DNAAF9: variants seen among roughly 807,000 people sequenced by gnomAD.
DNAAF9 encodes the protein dynein axonemal assembly factor 9.
In DNAAF9, 90 loss-of-function variants were observed where a neutral mutation model predicts 167.0. The ratio of observed to expected loss-of-function variants is 0.54; its 90% CI spans 0.45 to 0.64. The LOEUF (loss-of-function observed/expected upper bound fraction) is 0.64, where lower values mean the gene tolerates loss of function less well. DNAAF9 is among the 30% of genes least tolerant of loss of function. The pLI is 0.00. For synonymous variants in DNAAF9, 491 were observed against 508.8 expected (o/e 0.96, Z 0.47); for missense variants, 1,315 against 1,442.2 (o/e 0.91, Z 1.43).
chr20:3,385,336 C>A (rs1250050420), intron 1 of DNAAF9, among the ~76,000 whole-genome samples: 1 of 152,190 alleles, frequency 6.6e-6, no homozygotes, highest in Non-Finnish European at 1.5e-5. Flanking sequence ...TGTAGGAAAT[C>A]TTAAGGATTC....
chr20:3,332,255 G>C (rs749657731), intron 11 of DNAAF9, 25 bp downstream of exon 11: 2 of 1,131,712 alleles, frequency 1.8e-6, no homozygotes, highest in Non-Finnish European at 2.7e-6. Context: ...ATAAGCTGAT[G>C]AGATGACAAC....
At chr20:3,253,701 AG>A in intron 36 of DNAAF9, 24 bp downstream of exon 36, 1 of 1,417,450 alleles carries the variant, frequency 7.1e-7, no homozygotes, top group Non-Finnish European at 1.0e-6. Flanking sequence ...GGTTCCACAC[AG>A]GGACCACGCT....
At chr20:3,387,923 G>A (rs181223312) in intron 1 of DNAAF9, among the ~76,000 whole-genome samples, 7 of 128,934 alleles carry the variant, frequency 5.4e-5, no homozygotes, top group Admixed American at 3.1e-4. Context: ...AAAATTAGCC[G>A]GATGTGGTAG....
Position 3,270,580 on chromosome 20 carries a change from G to A in DNAAF9, c.2651-18C>T. ...CACCAGGCCTGGGAATAAAACCAAG[G>A]ACAGTTTAGCCTTCACAGTCCTGGT... On this transcript the variant is annotated intron_variant, in intron 29 of 36. Coordinates refer to ENST00000252032, the MANE Select transcript of DNAAF9 (RefSeq NM_001009984.3). 6.2e-7 allele frequency: 1 copy of A among 1,611,264 alleles called. No homozygotes were observed. The highest frequency in any genetic ancestry group is 8.5e-7 in the Non-Finnish European group (1 of 1,179,118).
chr20:3,266,768 T>A (rs1215111050), intron 30 of DNAAF9, among the ~76,000 whole-genome samples: 4 of 152,098 alleles, frequency 2.6e-5, no homozygotes, highest in Non-Finnish European at 5.9e-5. Context: ...TGAGCCACCA[T>A]GCTCGGCTGA....
intron 29 of DNAAF9, among the ~76,000 whole-genome samples, chr20:3,277,617 A>G (rs1358283529): frequency 6.6e-6 from 1 of 151,666 alleles, no homozygotes; most frequent in African/African-American, 2.4e-5. Flanking sequence ...CTCTTTTTCC[A>G]ACACATGCCC....
At chr20:3,296,224 G>A (rs535606923) in intron 23 of DNAAF9, 17 of 509,330 alleles carry the variant, frequency 3.3e-5, no homozygotes, top group Admixed American at 6.1e-5. Flanking sequence ...AGCCAGGACC[G>A]CACCACTGCA....
Position 3,256,209 on chromosome 20 carries a change from A to C in DNAAF9, c.3058T>G (p.Ser1020Ala). The change falls in exon 34 of 37, where the codon TCT becomes GCT. Residue 1020 changes from serine (S) to alanine (A), a missense_variant and splice_region_variant. Ser to Ala is a moderately conservative substitution (Grantham distance 99). Coordinates refer to ENST00000252032, the MANE Select transcript of DNAAF9 (RefSeq NM_001009984.3). The stretch of plus-strand genomic sequence containing the variant: ...TAGCAGACCTCCATGGTCCTCTCAG[A>C]GTCTGTAAGGAGAATACACATTAGT... The part of the protein sequence containing the change: ...HILGKVKFSD[S>A]ERTMEVCYNT... 1 of 1,612,108 alleles carries C rather than the reference A, an allele frequency of 6.2e-7. No individual in the cohort carries two copies. The highest frequency in any genetic ancestry group is 1.3e-5 in the African/African-American group (1 of 74,994).
At chr20:3,380,397 T>G (rs2083631852) in intron 3 of DNAAF9, among the ~76,000 whole-genome samples, 1 of 152,206 alleles carries the variant, frequency 6.6e-6, no homozygotes, top group Admixed American at 6.5e-5. Context: ...AGAAGAATTT[T>G]CATATATACC....
At chr20:3,350,395 T>C (rs1371771428) in intron 7 of DNAAF9, among the ~76,000 whole-genome samples, 1 of 150,708 alleles carries the variant, frequency 6.6e-6, no homozygotes, top group Non-Finnish European at 1.5e-5. Flanking sequence ...TAACGTAGGA[T>C]AAAACAAAAA....
intron 31 of DNAAF9, among the ~76,000 whole-genome samples, chr20:3,262,162 A>G (rs1266081612): frequency 1.3e-5 from 2 of 151,668 alleles, no homozygotes; most frequent in Non-Finnish European, 2.9e-5. Context: ...TGGACTTAGG[A>G]GGGGGCCTGA....
chr20:3,347,964 A>G (rs1208534071), intron 8 of DNAAF9, among the ~76,000 whole-genome samples: 1 of 152,030 alleles, frequency 6.6e-6, no homozygotes, highest in Non-Finnish European at 1.5e-5. Context: ...CCAGCTCCAT[A>G]CCATCAGCAG....
At chr20:3,292,494 C>T (rs1454732448) in intron 25 of DNAAF9, among the ~76,000 whole-genome samples, 4 of 151,628 alleles carry the variant, frequency 2.6e-5, no homozygotes, top group South Asian at 2.1e-4. Context: ...GGGCTGGGCG[C>T]GGTGGCTCAT....
rs1263990811 is a variant in DNAAF9, at chr20:3,390,291, TA to T, written c.84-7786del. Among the ~76,000 whole-genome samples, 16 of 151,786 alleles carry T rather than the reference TA, an allele frequency of 1.1e-4. No homozygotes were observed. The East Asian group carries it at 2.7e-3, about 26-fold the overall frequency. ...GACAGATTGAGAAGAAGAAAAAAGA[TA>T]AACCACATACGGCAAAATGTTAAAA... On this transcript the variant is annotated intron_variant, in intron 1 of 36. Coordinates refer to ENST00000252032, the MANE Select transcript of DNAAF9 (RefSeq NM_001009984.3).
rs2070069749 is a variant in DNAAF9, at chr20:3,340,792, G to A, written c.846-153C>T. ...ACAGTCGACCGAATATCCTTGGCTG[G>A]TTGGAAACGGATGCCAGCTGTCTCC... is the stretch of plus-strand genomic sequence containing the variant. On this transcript the variant is annotated intron_variant, in intron 9 of 36. Coordinates refer to ENST00000252032, the MANE Select transcript of DNAAF9 (RefSeq NM_001009984.3). 9.2e-6 allele frequency: 6 copies of A among 650,800 alleles called. No homozygotes were observed. In the Admixed American group the frequency reaches 1.4e-4, roughly 15 times the overall value. 40.3% of individuals were successfully genotyped at this position (650,800 alleles called of 1,614,324 possible).
chr20:3,401,444 C>A (rs1263014448), intron 1 of DNAAF9, among the ~76,000 whole-genome samples: 1 of 152,100 alleles, frequency 6.6e-6, no homozygotes, highest in Non-Finnish European at 1.5e-5. Flanking sequence ...AGGTGATCCA[C>A]CCACCTCGGT....
intron 30 of DNAAF9, among the ~76,000 whole-genome samples, chr20:3,267,145 C>T (rs1300938779): frequency 6.6e-6 from 1 of 152,184 alleles, no homozygotes; most frequent in Non-Finnish European, 1.5e-5. Flanking sequence ...AGCCACCGTG[C>T]CTGGCCCCAC....
chr20:3,360,937 T>C (rs1341847293), intron 6 of DNAAF9, among the ~76,000 whole-genome samples: 2 of 152,220 alleles, frequency 1.3e-5, no homozygotes. Flanking sequence ...CTGGTGACTA[T>C]TCTTTTCACC....
At chr20:3,353,424 G>GAGACC (rs1306540851) in intron 7 of DNAAF9, among the ~76,000 whole-genome samples, 1 of 152,084 alleles carries the variant, frequency 6.6e-6, no homozygotes, top group African/African-American at 2.4e-5. Context: ...CCAGGAGTTT[G>GAGACC]AGACCAGCCC....
Sources: allele counts gnomAD v4.1 joint callset (sites outside exome capture counted in the v4.1 genomes callset), GRCh38; gene constraint gnomAD v4.1.1; transcripts MANE v1.5; gene names NCBI Gene and HGNC (gene_info 2026-07-23, HGNC 2026-07-21).